MYH14: variants seen among roughly 807,000 people sequenced by gnomAD.
MYH14 encodes the protein myosin heavy chain 14.
MYH14 carries 123 observed loss-of-function variants against 255.5 expected under a neutral mutation model. The ratio of observed to expected loss-of-function variants is 0.48; its 90% CI spans 0.42 to 0.56. MYH14 has a LOEUF of 0.56. MYH14 is among the 20% of genes least tolerant of loss of function. The pLI, the probability that MYH14 is intolerant of heterozygous loss-of-function variation, is 0.00. For missense variants in MYH14, 2,423 were observed against 2,802.3 expected (o/e 0.86, Z 3.06); for synonymous variants, 1,095 against 1,161.2 (o/e 0.94, Z 1.16).
intron 1 of MYH14, among the ~76,000 whole-genome samples, chr19:50,208,489 AT>A (rs1263916443): frequency 6.6e-6 from 1 of 151,968 alleles, no homozygotes; most frequent in Non-Finnish European, 1.5e-5. Context: ...AACATACCAT[AT>A]TTGGTTTCTG....
intron 40 of MYH14, among the ~76,000 whole-genome samples, chr19:50,302,746 CA>C (rs1465951193): frequency 3.3e-4 from 49 of 150,276 alleles, no homozygotes; most frequent in Non-Finnish European, 4.9e-4. Context: ...ACTAAAAATA[CA>C]AAAAATTAGC....
chr19:50,211,351 A>G (rs1054358664), intron 2 of MYH14, among the ~76,000 whole-genome samples: 2 of 152,118 alleles, frequency 1.3e-5, no homozygotes, highest in Admixed American at 1.3e-4. Flanking sequence ...GACAAAAAGC[A>G]AAAACCTTAT....
intron 15 of MYH14, among the ~76,000 whole-genome samples, chr19:50,251,488 C>CAT (rs1332732653): frequency 4.2e-4 from 60 of 143,010 alleles, no homozygotes; most frequent in African/African-American, 1.4e-3. Flanking sequence ...TATATACACA[C>CAT]ATATATATAT....
Position 50,247,013 on chromosome 19 carries a change from A to T in MYH14, c.1220A>T (p.Lys407Met). ...TGCCTCTCGCCCTCAGCTGCACAGA[A>T]GCTCTGCCGCCTCTTGGGACTGGGG... ...ATMPDNTAAQ[K>M]LCRLLGLGVT... Residue 407 changes from lysine to methionine, a missense_variant, in exon 12 of 43, where the codon AAG (lysine) becomes ATG (methionine). Physicochemically the swap from Lys to Met is moderately conservative, Grantham distance 95. This residue lies in a region of MYH14 where 672 missense variants were observed against 881.8 expected (regional missense o/e 0.76). Coordinates refer to ENST00000642316, the MANE Select transcript of MYH14 (RefSeq NM_001145809.2). The T allele has an allele frequency of 6.2e-7, 1 of 1,611,254 alleles. No homozygotes were observed. Among genetic ancestry groups the T allele is most frequent in the Non-Finnish European group, 8.5e-7 (1 of 1,178,740 alleles).
At chr19:50,298,860 T>C (rs1305938813) in intron 39 of MYH14, among the ~76,000 whole-genome samples, 2 of 152,072 alleles carry the variant, frequency 1.3e-5, no homozygotes, top group African/African-American at 2.4e-5. Flanking sequence ...AGCAGGTAGA[T>C]TGCTTGAGAC....
At chr19:50,299,810 TG>T (rs1380756453) in intron 39 of MYH14, among the ~76,000 whole-genome samples, 1 of 151,758 alleles carries the variant, frequency 6.6e-6, no homozygotes, top group African/African-American at 2.4e-5. Context: ...CCAGGTGTGG[TG>T]GTGCGTGCCT....
rs61734424 is a variant in MYH14, at chr19:50,244,276, T to C, written c.1149T>C (p.Phe383=). The change falls in exon 11 of 43, where the codon TTT becomes TTC. Residue 383 remains phenylalanine (F), a synonymous_variant. Transcript: ENST00000642316. The part of the protein sequence containing the change: ...MLRMVSAVLQ[F]GNIALKRERN... Reference sequence around the variant, plus strand: ...GGATGGTCTCAGCAGTTCTCCAGTTTGGCAACATTGCCTTGAAGAGAGAAC... The same window carrying C: ...GGATGGTCTCAGCAGTTCTCCAGTTCGGCAACATTGCCTTGAAGAGAGAAC... 0.043 allele frequency: 69,398 copies of C among 1,613,776 alleles called. 2,561 individuals carry two copies. Among genetic ancestry groups the C allele is most frequent in the Admixed American group, 0.17 (10,252 of 59,992 alleles).
At chr19:50,215,058 CA>C (rs1328938158) in intron 2 of MYH14, among the ~76,000 whole-genome samples, 55 of 152,202 alleles carry the variant, frequency 3.6e-4, no homozygotes, top group Non-Finnish European at 2.9e-5. Flanking sequence ...AGGGCTGGAG[CA>C]GCCATTCCTG....
chr19:50,266,557 GAAAGGAAGGAAGGAAGGGAGGAAA>G lies in MYH14; in HGVS notation c.2695-302_2695-279del, dbSNP rs574856166. Reference sequence around the variant, plus strand: ...CTGGGCGAGAGAGCAAGACTCTGTCGAAAGGAAGGAAGGAAGGGAGGAAAAAAGGAAGGAAGGAAGGACTGTTCC... The same window carrying G: ...CTGGGCGAGAGAGCAAGACTCTGTCGAAAGGAAGGAAGGAAGGACTGTTCC... On this transcript the variant is annotated intron_variant, in intron 22 of 42. Transcript: ENST00000642316. The surrounding 1 kb of genome is among the most constrained non-coding windows in gnomAD (Gnocchi z 4.1). Among the ~76,000 whole-genome samples, 276 of 152,192 alleles carry G rather than the reference GAAAGGAAGGAAGGAAGGGAGGAAA, an allele frequency of 1.8e-3. 2 individuals carry two copies. Among genetic ancestry groups the G allele is most frequent in the African/African-American group, 6.4e-3 (267 of 41,528 alleles).
At chr19:50,238,594 G>A (rs1263661807) in intron 10 of MYH14, among the ~76,000 whole-genome samples, 1 of 152,060 alleles carries the variant, frequency 6.6e-6, no homozygotes, top group Non-Finnish European at 1.5e-5. Context: ...TGAGATTATA[G>A]GCGCTCGCCA....
At chr19:50,282,963 C>T (rs1188910630) in intron 33 of MYH14, among the ~76,000 whole-genome samples, 1 of 151,804 alleles carries the variant, frequency 6.6e-6, no homozygotes, top group Non-Finnish European at 1.5e-5. Context: ...ATCTCCCACT[C>T]TCTCTCCTTC....
chr19:50,247,521 T>G (rs1400552992), intron 12 of MYH14, among the ~76,000 whole-genome samples: 1 of 151,060 alleles, frequency 6.6e-6, no homozygotes, highest in Non-Finnish European at 1.5e-5. Context: ...ATTAAAAAAT[T>G]TAATAATAAT....
Position 50,259,219 on chromosome 19 carries a change from C to T in MYH14, c.2308C>T (p.Arg770Cys), listed in dbSNP as rs1390099513. The T allele has an allele frequency of 9.4e-6, 15 of 1,588,660 alleles. No individual in the cohort carries two copies. The highest frequency in any genetic ancestry group is 1.3e-5 in the African/African-American group (1 of 74,392). ...GGTCCTGGAGGGCATCCGCATCTGT[C>T]GCCAGGGCTTCCCCAACCGCATCCT... Reference protein sequence around the residue: ...NGVLEGIRICRQGFPNRILFQ... With the variant: ...NGVLEGIRICCQGFPNRILFQ... The change falls in exon 19 of 43, where the codon CGC (arginine) becomes TGC (cysteine). Residue 770 changes from arginine (R) to cysteine (C), a missense_variant. By Grantham distance (180) the Arg-to-Cys change is radical. Coordinates refer to ENST00000642316, the MANE Select transcript of MYH14 (RefSeq NM_001145809.2).
chr19:50,260,876 C>A (rs574175735), intron 20 of MYH14, among the ~76,000 whole-genome samples, 161 bp downstream of exon 20: 1 of 149,294 alleles, frequency 6.7e-6, no homozygotes, highest in Non-Finnish European at 1.5e-5. Flanking sequence ...TGTGTGCATG[C>A]GTGTGTGTGC....
chr19:50,309,676 C>T lies in MYH14; in HGVS notation c.5997C>T (p.Arg1999=). Reference sequence around the variant, plus strand: ...TCACCTTCACCACCCGCACGGTGCGCCAGGTCTTCCGACTAGAGGAGGGCG... The same window carrying T: ...TCACCTTCACCACCCGCACGGTGCGTCAGGTCTTCCGACTAGAGGAGGGCG... ...GPLTFTTRTV[R]QVFRLEEGVA... Residue 1999 remains arginine, a synonymous_variant, in exon 43 of 43, where the codon CGC becomes CGT. Transcript: ENST00000642316. 1 of 1,610,658 alleles carries T rather than the reference C, an allele frequency of 6.2e-7. No individual in the cohort carries two copies. Among genetic ancestry groups the T allele is most frequent in the Non-Finnish European group, 8.5e-7 (1 of 1,178,690 alleles).
chr19:50,254,628 C>T (rs983848606), intron 16 of MYH14, among the ~76,000 whole-genome samples: 1 of 152,176 alleles, frequency 6.6e-6, no homozygotes, highest in Non-Finnish European at 1.5e-5. Flanking sequence ...GCCATAATGT[C>T]ACTTCCTCCA....
intron 24 of MYH14, among the ~76,000 whole-genome samples, chr19:50,270,973 C>A (rs1040824895): frequency 1.3e-5 from 2 of 152,148 alleles, no homozygotes; most frequent in Non-Finnish European, 2.9e-5. Flanking sequence ...GGATTACAGG[C>A]GTGAGCCACT....
intron 16 of MYH14, 130 bp from the exon 17 acceptor site, chr19:50,255,090 G>T: frequency 1.5e-6 from 1 of 679,422 alleles, no homozygotes; most frequent in African/African-American, 1.8e-5. Context: ...GCTCTGTACT[G>T]TTGACTAATA....
chr19:50,266,760 GAC>G lies in MYH14; in HGVS notation c.2695-111_2695-110del. The G allele has an allele frequency of 7.3e-7, 1 of 1,370,116 alleles. No homozygotes were observed. The highest frequency in any genetic ancestry group is 2.5e-5 in the East Asian group (1 of 39,792). 84.9% of individuals were successfully genotyped at this position (1,370,116 alleles called of 1,614,324 possible). A position where few individuals can be genotyped will look rare whatever the true frequency, so the allele number is the denominator to read the frequency against. On this transcript the variant is annotated intron_variant, in intron 22 of 42. Coordinates refer to ENST00000642316, the MANE Select transcript of MYH14 (RefSeq NM_001145809.2). The surrounding 1 kb of genome is among the most constrained non-coding windows in gnomAD (Gnocchi z 4.1). ...GACCAGGGACTGTTGCCAAGGCGGG[GAC>G]ACACAGCTAATAGGTGGAGGAGAAG... is the stretch of plus-strand genomic sequence containing the variant.
Sources: allele counts gnomAD v4.1 joint callset (sites outside exome capture counted in the v4.1 genomes callset), GRCh38; gene constraint gnomAD v4.1.1; regional missense constraint gnomAD v4.1.1; non-coding constraint Gnocchi (gnomAD v3.1); transcripts MANE v1.5; gene names NCBI Gene and HGNC (gene_info 2026-07-23, HGNC 2026-07-21).